The following TAMM41 variants were observed in gnomAD, a reference collection of about 807,000 sequenced individuals.
The protein encoded by TAMM41 is TAM41 mitochondrial translocator assembly and maintenance homolog, also known as phosphatidate cytidylyltransferase, mitochondrial.
A neutral mutation model predicts 44.1 loss-of-function variants in TAMM41; 36 were observed. That is an observed-to-expected ratio of 0.82 (90% confidence interval 0.63 to 1.08). The LOEUF (loss-of-function observed/expected upper bound fraction) is 1.08, where lower values mean the gene tolerates loss of function less well. Ranked by LOEUF, TAMM41 falls within the 50% of genes least tolerant of loss-of-function variation. The pLI is 0.00. For synonymous variants in TAMM41, 164 were observed against 153.1 expected, an observed-to-expected ratio of 1.07 and a Z score of -0.53; for missense variants, 417 against 404.3, an observed-to-expected ratio of 1.03 and a Z score of -0.27.
chr3:11,827,633 G>C (rs149377218), intron 4 of TAMM41, among the ~76,000 whole-genome samples: 1 of 28,424 alleles, frequency 3.5e-5, no homozygotes, highest in South Asian at 1.1e-3. Context: ...AAACAGAAAA[G>C]AGGAAAAAAA....
At chr3:11,837,991 G>A (rs1422514182) in intron 3 of TAMM41, among the ~76,000 whole-genome samples, 1 of 152,214 alleles carries the variant, frequency 6.6e-6, no homozygotes, top group Non-Finnish European at 1.5e-5. Context: ...CACCAACTGA[G>A]TGTCCTACAA....
the TAMM41 span, among the ~76,000 whole-genome samples, chr3:11,737,253 G>A: frequency 2.6e-4 from 34 of 129,678 alleles, no homozygotes; most frequent in Non-Finnish European, 4.2e-4. Context: ...CCTGCCCCCC[G>A]CATTAAAGAA....
chr3:11,799,783 C>T (rs893899872), intron 7 of TAMM41, among the ~76,000 whole-genome samples: 68 of 152,274 alleles, frequency 4.5e-4, no homozygotes, highest in African/African-American at 1.6e-3. Context: ...TTCAACATAG[C>T]ATACTATAAT....
intron 3 of TAMM41, chr3:11,832,895 G>T: frequency 1.3e-6 from 1 of 789,590 alleles, no homozygotes; most frequent in Non-Finnish European, 1.5e-6. Context: ...AATTTTCCCA[G>T]TTAACAAAAT....
At chr3:11,732,874 C>T in the TAMM41 span, among the ~76,000 whole-genome samples, 3 of 151,636 alleles carry the variant, frequency 2.0e-5, no homozygotes, top group African/African-American at 4.9e-5. Flanking sequence ...GTTGGGGGGA[C>T]AAATTCAAGA....
the TAMM41 span, among the ~76,000 whole-genome samples, chr3:11,723,586 A>C: frequency 1.4e-4 from 21 of 151,760 alleles, no homozygotes; most frequent in Middle Eastern, 3.4e-3. Context: ...GTCTCAAAAA[A>C]AAAAAAAAAC....
At chr3:11,766,409 C>T in the TAMM41 span, among the ~76,000 whole-genome samples, 1 of 152,112 alleles carries the variant, frequency 6.6e-6, no homozygotes, top group East Asian at 1.9e-4. Flanking sequence ...CTCAATCAAT[C>T]AGCCCATCTT....
chr3:11,836,523 G>A (rs1162892965), intron 3 of TAMM41, among the ~76,000 whole-genome samples: 1 of 152,158 alleles, frequency 6.6e-6, no homozygotes, highest in Non-Finnish European at 1.5e-5. Context: ...GAGTGCAGTA[G>A]CGCAATCTCG....
intron 7 of TAMM41, 23 bp downstream of exon 7, chr3:11,807,810 A>T: frequency 6.5e-7 from 1 of 1,536,198 alleles, no homozygotes; most frequent in Non-Finnish European, 8.7e-7. Context: ...GGTATGTTAC[A>T]CACGGATTTC....
chr3:11,816,670 G>A (rs1468496963), intron 5 of TAMM41, among the ~76,000 whole-genome samples: 1 of 152,176 alleles, frequency 6.6e-6, no homozygotes, highest in African/African-American at 2.4e-5. Flanking sequence ...GGAGGCTGAG[G>A]TGGGAGGATG....
At chr3:11,722,698 T>C in the TAMM41 span, among the ~76,000 whole-genome samples, 111 of 150,860 alleles carry the variant, frequency 7.4e-4, no homozygotes, top group African/African-American at 1.3e-3. Context: ...TGGTCAGGCG[T>C]GGTGGCTCAC....
the TAMM41 span, among the ~76,000 whole-genome samples, chr3:11,738,729 C>T: frequency 4.6e-5 from 7 of 152,216 alleles, no homozygotes; most frequent in African/African-American, 1.7e-4. Flanking sequence ...CCCTATTCCT[C>T]ATACCTGTGG....
At chr3:11,723,306 G>T in the TAMM41 span, among the ~76,000 whole-genome samples, 4 of 152,016 alleles carry the variant, frequency 2.6e-5, no homozygotes, top group Non-Finnish European at 4.4e-5. Context: ...TAGGCCAGGC[G>T]CAGTGGCTTA....
chr3:11,738,305 G>C, the TAMM41 span, among the ~76,000 whole-genome samples: 2 of 152,106 alleles, frequency 1.3e-5, no homozygotes, highest in African/African-American at 4.8e-5. Context: ...CCCTTTGCTC[G>C]TCTTAGAACC....
chr3:11,802,652 C>A (rs920129052), intron 7 of TAMM41, among the ~76,000 whole-genome samples: 1 of 152,180 alleles, frequency 6.6e-6, no homozygotes, highest in Non-Finnish European at 1.5e-5. Flanking sequence ...CCTTCTGAAA[C>A]TATTCTAAAA....
chr3:11,828,594 T>C (rs1469049213), intron 4 of TAMM41, among the ~76,000 whole-genome samples: 2 of 152,196 alleles, frequency 1.3e-5, no homozygotes, highest in Non-Finnish European at 2.9e-5. Flanking sequence ...ACAGTGTGCA[T>C]GTGACCTGCT....
In TAMM41 at chr3:11,817,181, CAT is replaced by C; in HGVS notation, c.708+9_708+10del. 1 of 1,605,148 alleles carries C rather than the reference CAT, an allele frequency of 6.2e-7. No homozygotes were observed. Among genetic ancestry groups the C allele is most frequent in the South Asian group, 1.1e-5 (1 of 90,526 alleles). ...TAGAAACAATACAAGCTATTTTCCA[CAT>C]ACAGTTACCTCCAGCCAGCCTTGCT... On this transcript the variant is annotated intron_variant, in intron 5 of 7. Coordinates refer to ENST00000455809, the MANE Select transcript of TAMM41 (RefSeq NM_001284401.2).
chr3:11,821,594 G>A (rs1559299107), intron 4 of TAMM41, among the ~76,000 whole-genome samples: 1 of 152,280 alleles, frequency 6.6e-6, no homozygotes, highest in East Asian at 1.9e-4. Context: ...CAAGGGTTGG[G>A]GAACCCAGAG....
At chr3:11,839,374 G>C in intron 2 of TAMM41, 60 bp from the exon 3 acceptor site, 3 of 1,093,290 alleles carry the variant, frequency 2.7e-6, no homozygotes, top group Non-Finnish European at 4.1e-6. Flanking sequence ...GCTTATACAA[G>C]TATAAAATAT....
Sources: allele counts gnomAD v4.1 joint callset (sites outside exome capture counted in the v4.1 genomes callset), GRCh38; gene constraint gnomAD v4.1.1; transcripts MANE v1.5; gene names NCBI Gene and HGNC (gene_info 2026-07-23, HGNC 2026-07-21).